CDK12: variants seen among roughly 807,000 people sequenced by gnomAD.
CDK12 encodes the protein cyclin-dependent kinase 12.
Under a neutral mutation model 133.8 loss-of-function variants are expected in CDK12, and 17 were observed. The observed-to-expected ratio is 0.13, with a 90% CI of 0.09 to 0.19. The LOEUF is 0.19. Among genes scored for constraint, CDK12 ranks in the 10% least tolerant of loss-of-function variants. The pLI is 1.00. For missense variants in CDK12, 1,508 were observed against 1,818.7 expected, an observed-to-expected ratio of 0.83 and a Z score of 3.11; for synonymous variants, 694 against 683.6, an observed-to-expected ratio of 1.02 and a Z score of -0.24.
At chr17:39,523,608 A>C in intron 11 of CDK12, among the ~76,000 whole-genome samples, 1 of 152,234 alleles carries the variant, frequency 6.6e-6, no homozygotes, top group African/African-American at 2.4e-5. Flanking sequence ...ATGTTAGTTC[A>C]TGAGTAGGTA....
chr17:39,524,034 A>G (rs1040712830), intron 11 of CDK12, among the ~76,000 whole-genome samples: 1 of 152,198 alleles, frequency 6.6e-6, no homozygotes, highest in Non-Finnish European at 1.5e-5. Flanking sequence ...GGGAACTCCT[A>G]TTATAGAGAG....
chr17:39,543,587 A>G (rs1248320364), upstream of CDK12, among the ~76,000 whole-genome samples: 4 of 152,178 alleles, frequency 2.6e-5, no homozygotes, highest in South Asian at 2.1e-4. Context: ...CTGCAAAGTG[A>G]ATATTGTCTG....
intron 10 of CDK12, among the ~76,000 whole-genome samples, chr17:39,518,603 G>T (rs559482170): frequency 1.3e-5 from 2 of 152,076 alleles, no homozygotes; most frequent in South Asian, 4.2e-4. Context: ...GTGTCACCCA[G>T]GTTGGAGTGC....
Position 39,533,400 on chromosome 17 carries a change from T to TTTTAGAATATTTGTG in CDK12, c.*2097_*2098insTGTTTAGAATATTTG. ...TAGTCCTCAGACATGGGCCTTTGTG[T>TTTTAGAATATTTGTG]TTTAGAATATTTGAATTTGAGTTAT... On this transcript the variant is annotated 3_prime_UTR_variant, in exon 14 of 14. Coordinates refer to ENST00000447079, the MANE Select transcript of CDK12 (RefSeq NM_016507.4). 4.3e-6 allele frequency: 1 copy of TTTTAGAATATTTGTG among 233,194 alleles called. No individual in the cohort carries two copies. Among genetic ancestry groups the TTTTAGAATATTTGTG allele is most frequent in the East Asian group, 6.0e-5 (1 of 16,668 alleles). The allele number at this position is 233,194 out of a possible 1,614,324, so 14.4% of individuals were successfully genotyped here.
At chr17:39,544,232 G>A, upstream of CDK12, 1 of 483,540 alleles carries the variant, frequency 2.1e-6, no homozygotes, top group Non-Finnish European at 4.1e-6. Flanking sequence ...AATGTAACCT[G>A]CCATTTTCCT....
chr17:39,514,204 A>G (rs2053657967), intron 8 of CDK12, among the ~76,000 whole-genome samples: 1 of 151,990 alleles, frequency 6.6e-6, no homozygotes, highest in South Asian at 2.1e-4. Context: ...CCTAAATTTT[A>G]TTTTCACTTT....
At chr17:39,545,326 T>C (rs1350597231), upstream of CDK12, among the ~76,000 whole-genome samples, 3 of 151,958 alleles carry the variant, frequency 2.0e-5, no homozygotes, top group African/African-American at 7.3e-5. Flanking sequence ...TAGCTGGGAC[T>C]AGAGGCGTGT....
Position 39,541,280 on chromosome 17 carries a change from C to T in CDK12, c.451-2969C>T, listed in dbSNP as rs533936459. On this transcript the variant is annotated intron_variant and NMD_transcript_variant, in intron 1 of 4. Coordinates refer to the CDK12 transcript ENST00000559663. ...TGCCCCATACCTGCTCTCAGTCTCC[C>T]ATTTGCTTTATCAAAATTCAGGGTT... Among the ~76,000 whole-genome samples, 7 of 152,128 alleles carry T rather than the reference C, an allele frequency of 4.6e-5. No homozygotes were observed. The East Asian group carries it at 1.2e-3, about 25-fold the overall frequency.
At position 39,462,761 on chromosome 17, in the gene CDK12, C is replaced by G. The variant is rs768830135; in HGVS notation, c.690C>G (p.Ser230Arg). 6.2e-7 allele frequency: 1 copy of G among 1,614,018 alleles called. No individual in the cohort carries two copies. Residue 230 changes from serine (S) to arginine (R), a missense_variant, in exon 1 of 14, where the codon AGC becomes AGG. Physicochemically the swap from Ser to Arg is moderately radical, Grantham distance 110 (BLOSUM62 -1). Around this residue, in one of 9 missense-constraint regions of CDK12, gnomAD observed 460 missense variants for 490.8 expected, o/e 0.94. Coordinates refer to ENST00000447079, the MANE Select transcript of CDK12 (RefSeq NM_016507.4). ...GCCCCCACAGGAAGTGGTCTGACAG[C>G]TCCAAACAAGATGATAGCCCCTCGG... ...SRSPHRKWSD[S>R]SKQDDSPSGA...
upstream of CDK12, chr17:39,544,083 G>A (rs2055554736): frequency 2.5e-6 from 1 of 407,100 alleles, no homozygotes; most frequent in Admixed American, 2.6e-5. Context: ...ACTAAGGTTA[G>A]TCTGAATCCT....
intron 13 of CDK12, among the ~76,000 whole-genome samples, chr17:39,526,784 T>C (rs896282396): frequency 6.6e-6 from 1 of 152,238 alleles, no homozygotes; most frequent in African/African-American, 2.4e-5. Context: ...TAAAATATCA[T>C]TGTTAATTTC....
chr17:39,486,213 A>G (rs1190751033), intron 2 of CDK12, among the ~76,000 whole-genome samples: 2 of 149,876 alleles, frequency 1.3e-5, no homozygotes, highest in African/African-American at 4.9e-5. Flanking sequence ...TGGCCTCCCA[A>G]AGTGCTGGGA....
intron 2 of CDK12, among the ~76,000 whole-genome samples, chr17:39,472,849 G>C (rs556861306): frequency 4.6e-5 from 7 of 152,108 alleles, no homozygotes; most frequent in Non-Finnish European, 8.8e-5. Flanking sequence ...GCCAAGGCGG[G>C]CGGATCACAA....
Position 39,517,485 on chromosome 17 carries a change from C to T in CDK12, c.2892C>T (p.Ile964=), listed in dbSNP as rs150411581. The stretch of plus-strand genomic sequence containing the variant: ...GTCCAGCTGTGTGGCCTGATGTTAT[C>T]AAACTGCCCTACTTCAACACCATGA... ...SPCPAVWPDV[I]KLPYFNTMKP... is the part of the protein sequence containing the mutation. Residue 964 remains isoleucine, a synonymous_variant, in exon 10 of 14, where the codon ATC becomes ATT. Transcript: ENST00000447079. 1 of 1,613,852 alleles carries T rather than the reference C, an allele frequency of 6.2e-7. No individual in the cohort carries two copies. Among genetic ancestry groups the T allele is most frequent in the Non-Finnish European group, 8.5e-7 (1 of 1,179,742 alleles).
chr17:39,531,448 T>G lies in CDK12; in HGVS notation c.*132T>G. The G allele has an allele frequency of 1.1e-6, 1 of 877,608 alleles. No individual in the cohort carries two copies. The highest frequency in any genetic ancestry group is 1.6e-6 in the Non-Finnish European group (1 of 636,908). The allele number at this position is 877,608 out of a possible 1,614,324, so 54.4% of individuals were successfully genotyped here. A position where few individuals can be genotyped will look rare whatever the true frequency, so the allele number is the denominator to read the frequency against. On this transcript the variant is annotated 3_prime_UTR_variant, in exon 14 of 14. Coordinates refer to ENST00000447079, the MANE Select transcript of CDK12 (RefSeq NM_016507.4). ...TTGGCTACTGCAAAGCTGTCCGTTGTATTCCTTGCTCACTTGCTACTAGCA... is the reference window on the plus strand; with the variant it reads ...TTGGCTACTGCAAAGCTGTCCGTTGGATTCCTTGCTCACTTGCTACTAGCA...
At chr17:39,478,161 T>C (rs1250241059) in intron 2 of CDK12, among the ~76,000 whole-genome samples, 3 of 151,272 alleles carry the variant, frequency 2.0e-5, no homozygotes, top group Non-Finnish European at 4.4e-5. Flanking sequence ...CATCCCTAAA[T>C]GCTGGCATTA....
intron 3 of CDK12, among the ~76,000 whole-genome samples, chr17:39,562,888 TTTC>T (rs1282855477): frequency 7.6e-4 from 37 of 48,444 alleles, no homozygotes; most frequent in East Asian, 2.0e-3. Flanking sequence ...CTCCTTTTTT[TTTC>T]TTTTTCTTTT....
chr17:39,485,408 C>CCTTTTT (rs1491365639), intron 2 of CDK12, among the ~76,000 whole-genome samples: 1 of 69,836 alleles, frequency 1.4e-5, no homozygotes, highest in African/African-American at 5.2e-5. Flanking sequence ...CATCCCCCCC[C>CCTTTTT]TTTTTTTTTT....
At chr17:39,491,690 A>T (rs1445292955) in intron 3 of CDK12, among the ~76,000 whole-genome samples, 1 of 148,600 alleles carries the variant, frequency 6.7e-6, no homozygotes, top group Non-Finnish European at 1.5e-5. Context: ...ACTGTGAGAG[A>T]CTGTTTATGT....
Sources: allele counts gnomAD v4.1 joint callset (sites outside exome capture counted in the v4.1 genomes callset), GRCh38; gene constraint gnomAD v4.1.1; regional missense constraint gnomAD v4.1.1; transcripts MANE v1.5; gene names NCBI Gene and HGNC (gene_info 2026-07-23, HGNC 2026-07-21).